The following DPP10 variants were observed in gnomAD, a reference collection of about 807,000 sequenced individuals.
The protein encoded by DPP10 is inactive dipeptidyl peptidase 10.
Under a neutral mutation model 120.9 loss-of-function variants are expected in DPP10, and 33 were observed. The observed-to-expected ratio is 0.27, with a 90% CI of 0.21 to 0.37. DPP10 has a LOEUF of 0.37. Ranked by LOEUF, DPP10 falls within the 10% of genes least tolerant of loss-of-function variation. The pLI is 1.00. For missense variants in DPP10, 816 were observed against 942.8 expected (o/e 0.87, Z 1.76); for synonymous variants, 337 against 326.1 (o/e 1.03, Z -0.36).
chr2:115,724,784 A>G (rs927038941), intron 7 of DPP10, among the ~76,000 whole-genome samples: 2 of 152,244 alleles, frequency 1.3e-5, no homozygotes, highest in African/African-American at 4.8e-5. Flanking sequence ...CAAGCATGGC[A>G]TACACATCTG....
At chr2:114,695,023 A>G (rs1296508525) in intron 1 of DPP10, among the ~76,000 whole-genome samples, 1 of 152,052 alleles carries the variant, frequency 6.6e-6, no homozygotes, top group East Asian at 1.9e-4. Flanking sequence ...GACCTTGCCT[A>G]GTTATGCTGA....
intron 1 of DPP10, among the ~76,000 whole-genome samples, chr2:114,628,540 G>T (rs879631624): frequency 1.3e-5 from 2 of 152,048 alleles, no homozygotes; most frequent in Admixed American, 1.3e-4. Context: ...ATAATTAGCT[G>T]GAATTTTTCA....
intron 1 of DPP10, among the ~76,000 whole-genome samples, chr2:114,906,250 G>A (rs1406935829): frequency 6.6e-6 from 1 of 151,988 alleles, no homozygotes. Context: ...CCAGTGTGGT[G>A]GTGCGTGCCT....
chr2:114,960,101 T>G (rs930223812), intron 1 of DPP10, among the ~76,000 whole-genome samples: 14 of 152,126 alleles, frequency 9.2e-5, no homozygotes, highest in African/African-American at 3.4e-4. Context: ...AGTCAGATAA[T>G]ATAACTTACT....
At chr2:115,155,108 C>T (rs1054066015) in intron 1 of DPP10, among the ~76,000 whole-genome samples, 1 of 151,832 alleles carries the variant, frequency 6.6e-6, no homozygotes, top group Non-Finnish European at 1.5e-5. Context: ...GGGGTTTCGC[C>T]ATTTGACCGG....
In DPP10 at chr2:115,842,235, G is replaced by C; in HGVS notation, c.2281G>C (p.Val761Leu). 6.2e-7 allele frequency: 1 copy of C among 1,613,098 alleles called. No homozygotes were observed. Among genetic ancestry groups the C allele is most frequent in the Non-Finnish European group, 8.5e-7 (1 of 1,179,302 alleles). The change falls in exon 26 of 26, where the codon GTA (valine) becomes CTA (leucine). Residue 761 changes from valine to leucine, a missense_variant. Coordinates refer to ENST00000410059, the MANE Select transcript of DPP10 (RefSeq NM_020868.6). ...GGTCTACCCAGATGAAGGTCATAAC[G>C]TATCTGAGAAGAGCAAGTATCATCT... is the stretch of plus-strand genomic sequence containing the variant. ...MQVYPDEGHN[V>L]SEKSKYHLYS... is the part of the protein sequence containing the mutation.
At chr2:115,627,482 G>A (rs1028017637) in intron 5 of DPP10, among the ~76,000 whole-genome samples, 1 of 152,180 alleles carries the variant, frequency 6.6e-6, no homozygotes, top group Admixed American at 6.5e-5. Context: ...CAGTACTCAT[G>A]GGAGGATGTG....
chr2:114,481,985 A>AAGAG (rs149076386), intron 1 of DPP10, among the ~76,000 whole-genome samples: 5 of 150,116 alleles, frequency 3.3e-5, no homozygotes, highest in Admixed American at 1.3e-4. Context: ...GAGAGAAAGA[A>AAGAG]AGAGAGAGAG....
intron 3 of DPP10, among the ~76,000 whole-genome samples, chr2:115,459,949 A>ACACACACC (rs2073891522): frequency 6.8e-6 from 1 of 147,958 alleles, no homozygotes; most frequent in Non-Finnish European, 1.5e-5. Flanking sequence ...ACACACACAC[A>ACACACACC]CCTTTGTTTG....
intron 1 of DPP10, among the ~76,000 whole-genome samples, chr2:115,066,020 A>G (rs1706806933): frequency 6.6e-6 from 1 of 152,190 alleles, no homozygotes; most frequent in Admixed American, 6.5e-5. Flanking sequence ...TTAAAATGGG[A>G]CATTAATCAA....
chr2:115,237,248 A>G (rs541646914), intron 1 of DPP10, among the ~76,000 whole-genome samples: 2 of 98,514 alleles, frequency 2.0e-5, no homozygotes, highest in African/African-American at 8.3e-5. Flanking sequence ...TTAATTCATT[A>G]TTATTGTATC....
intron 1 of DPP10, among the ~76,000 whole-genome samples, chr2:114,521,966 C>A (rs1370851962): frequency 1.4e-5 from 2 of 139,610 alleles, no homozygotes; most frequent in Non-Finnish European, 3.1e-5. Context: ...CGCCACCGCG[C>A]CCGGCTAATT....
chr2:115,804,462 C>T lies in DPP10; in HGVS notation c.1701-10331C>T, dbSNP rs149420204. Among the ~76,000 whole-genome samples the T allele has an allele frequency of 4.6e-3, 699 of 152,286 alleles. 6 individuals are homozygous for T. Among genetic ancestry groups the T allele is most frequent in the African/African-American group, 0.016 (672 of 41,560 alleles). On this transcript the variant is annotated intron_variant, in intron 19 of 25. Coordinates refer to ENST00000410059, the MANE Select transcript of DPP10 (RefSeq NM_020868.6). ...AGTCATTCTCCATGCAGCTTCGTTC[C>T]GTTGCTGGTGAGGAACTGCGTTCCT... is the stretch of plus-strand genomic sequence containing the variant.
At chr2:115,260,123 A>G (rs2059188278) in intron 1 of DPP10, among the ~76,000 whole-genome samples, 1 of 150,798 alleles carries the variant, frequency 6.6e-6, no homozygotes, top group Admixed American at 6.6e-5. Context: ...ATACATAACA[A>G]TTATATGTAT....
In DPP10 at chr2:115,099,130, CAAAAAA is replaced by C. The variant is rs55815168; in HGVS notation, c.61-210098_61-210093del. Among the ~76,000 whole-genome samples the C allele has an allele frequency of 6.1e-3, 458 of 74,774 alleles. 2 individuals are homozygous for C. Among genetic ancestry groups the C allele is most frequent in the African/African-American group, 0.021 (443 of 21,254 alleles). 49.1% of individuals were successfully genotyped at this position (74,774 alleles called of 152,430 possible). ...CAAAACCCCATCTCTGCTAAAAATA[CAAAAAA>C]AAAAAAAAAAGAAAAAAAGAAAAGA... On this transcript the variant is annotated intron_variant, in intron 1 of 25. Coordinates refer to ENST00000410059, the MANE Select transcript of DPP10 (RefSeq NM_020868.6).
intron 1 of DPP10, among the ~76,000 whole-genome samples, chr2:114,797,671 G>T (rs1443927176): frequency 6.6e-6 from 1 of 152,178 alleles, no homozygotes; most frequent in African/African-American, 2.4e-5. Flanking sequence ...CCATACTGAT[G>T]TAAAGAAATG....
At chr2:114,663,796 C>T (rs994992739) in intron 1 of DPP10, among the ~76,000 whole-genome samples, 6 of 151,854 alleles carry the variant, frequency 4.0e-5, no homozygotes, top group African/African-American at 1.5e-4. Context: ...TACTTAGTCT[C>T]TCTGTATACT....
chr2:115,387,052 A>G (rs2066993693), intron 3 of DPP10, among the ~76,000 whole-genome samples: 1 of 152,138 alleles, frequency 6.6e-6, no homozygotes, highest in South Asian at 2.1e-4. Flanking sequence ...AAAAATTTCA[A>G]CATATGATGA....
At chr2:114,542,951 T>G (rs1181028640) in intron 1 of DPP10, among the ~76,000 whole-genome samples, 3 of 152,162 alleles carry the variant, frequency 2.0e-5, no homozygotes, top group African/African-American at 7.2e-5. Context: ...ATTGGCAAAG[T>G]CCTGCTTCAT....
Sources: allele counts gnomAD v4.1 joint callset (sites outside exome capture counted in the v4.1 genomes callset), GRCh38; gene constraint gnomAD v4.1.1; transcripts MANE v1.5; gene names NCBI Gene and HGNC (gene_info 2026-07-23, HGNC 2026-07-21).